The following MRM2 variants were observed in gnomAD, a reference collection of about 807,000 sequenced individuals.
The protein encoded by MRM2 is rRNA methyltransferase 2, mitochondrial.
In MRM2, 15 loss-of-function variants were observed where a neutral mutation model predicts 10.9. The ratio of observed to expected loss-of-function variants is 1.37; its 90% CI spans 0.92 to 2.11. The LOEUF (loss-of-function observed/expected upper bound fraction) is 2.11. MRM2 is among the 30% of genes most tolerant of loss of function. The probability of loss-of-function intolerance (pLI) is 0.00; values close to 1 mark genes in which losing one functional copy is unlikely to be tolerated. For synonymous variants in MRM2, 139 were observed against 128.7 expected, an observed-to-expected ratio of 1.08 and a Z score of -0.54; for missense variants, 328 against 321.3, an observed-to-expected ratio of 1.02 and a Z score of -0.16.
intron 1 of MRM2, chr7:2,241,839 C>T (rs910667677): frequency 5.4e-6 from 2 of 371,986 alleles, no homozygotes; most frequent in Admixed American, 9.7e-5. Flanking sequence ...AATGGAGCTA[C>T]CCGGCCCAGA....
intron 2 of MRM2, chr7:2,238,943 G>A (rs1172486597): frequency 6.6e-5 from 6 of 91,048 alleles, no homozygotes; most frequent in Admixed American, 1.8e-4. Flanking sequence ...TCCATCTGGA[G>A]GGGGGGGAAG....
Position 2,239,499 on chromosome 7 carries a change from C to A in MRM2, c.217G>T (p.Gly73Cys). 6.2e-7 allele frequency: 1 copy of A among 1,613,958 alleles called. No individual in the cohort carries two copies. ...GCCCCACAGTCTAACACCCGAAGGC[C>A]GGGCCGCAGAATCTGGTGCCTCTCG... ...VNERHQILRP[G>C]LRVLDCGAAP... Residue 73 changes from glycine (G) to cysteine (C), a missense_variant, in exon 2 of 3, where the codon GGC (glycine) becomes TGC (cysteine). Gly to Cys is a radical substitution (Grantham distance 159, BLOSUM62 -3). Coordinates refer to ENST00000242257, the MANE Select transcript of MRM2 (RefSeq NM_013393.3).
At chr7:2,241,925 GCCGCCGGCCCCGGCCTC>G in intron 1 of MRM2, 1 of 464,372 alleles carries the variant, frequency 2.2e-6, no homozygotes, top group Admixed American at 4.5e-5. Flanking sequence ...CCTGGACTCC[GCCGCCGGCCCCGGCCTC>G]CCCACGGCCC....
rs181877637 is a variant in MRM2, at chr7:2,238,136, A to C, written c.298+1282T>G. Reference sequence around the variant, plus strand: ...CCAATAAATGGGGACCAGTGTCCCTACTCTAAGGTATTTGGGAGAGACTTG... The same window carrying C: ...CCAATAAATGGGGACCAGTGTCCCTCCTCTAAGGTATTTGGGAGAGACTTG... On this transcript the variant is annotated intron_variant, in intron 2 of 2. Transcript: ENST00000242257. 226 of 152,210 alleles carry C rather than the reference A, an allele frequency of 1.5e-3. 3 individuals are homozygous for C. In the South Asian group the frequency reaches 0.017, roughly 11 times the overall value. The allele number at this position is 152,210 out of a possible 1,614,324, so 9.4% of individuals were successfully genotyped here. A position where few individuals can be genotyped will look rare whatever the true frequency, so the allele number is the denominator to read the frequency against.
intron 2 of MRM2, chr7:2,237,892 A>AAAAAAC (rs1794446996): frequency 2.2e-5 from 1 of 45,112 alleles, no homozygotes; most frequent in Non-Finnish European, 4.9e-5. Context: ...CTCTATAAAC[A>AAAAAAC]AAAAAAAAAA....
At chr7:2,241,843 G>A (rs953590601) in intron 1 of MRM2, 5 of 380,878 alleles carry the variant, frequency 1.3e-5, no homozygotes, top group Non-Finnish European at 2.3e-5. Context: ...GAGCTACCCG[G>A]CCCAGAAGCG....
At chr7:2,237,985 G>A (rs1388334421) in intron 2 of MRM2, 2 of 152,042 alleles carry the variant, frequency 1.3e-5, no homozygotes, top group Admixed American at 6.6e-5. Flanking sequence ...GGGGATGCAG[G>A]TAGACACCAA....
intron 2 of MRM2, among the ~76,000 whole-genome samples, chr7:2,237,523 AAC>A (rs1794438747): frequency 6.6e-6 from 1 of 152,224 alleles, no homozygotes; most frequent in Non-Finnish European, 1.5e-5. Context: ...GGGGAACAGA[AAC>A]CACTGAAATC....
chr7:2,241,294 A>C (rs1418460915), intron 1 of MRM2: 1 of 149,912 alleles, frequency 6.7e-6, no homozygotes, highest in Admixed American at 6.8e-5. Context: ...GAACCACCTC[A>C]CCCGGCCATT....
rs1292258064 is a variant in MRM2, at chr7:2,235,205, G to A, written c.658C>T (p.Pro220Ser). The stretch of plus-strand genomic sequence containing the variant: ...GATGACTCTTTCCTGCTGGCTTCAG[G>A]TTTGATGATCCTTACATTCTGGAAT... ...EEFQNVRIIKPEASRKESSEV... is the reference protein window; with the variant it reads ...EEFQNVRIIKSEASRKESSEV... Residue 220 changes from proline (P) to serine (S), a missense_variant, in exon 3 of 3, where the codon CCT (proline) becomes TCT (serine). Pro to Ser is a moderately conservative substitution (Grantham distance 74). Coordinates refer to ENST00000242257, the MANE Select transcript of MRM2 (RefSeq NM_013393.3). The A allele has an allele frequency of 3.7e-6, 6 of 1,614,074 alleles. No homozygotes were observed. In the East Asian group the frequency reaches 1.1e-4, roughly 30 times the overall value.
At chr7:2,241,118 C>A (rs1024694337) in intron 1 of MRM2, among the ~76,000 whole-genome samples, 2 of 152,208 alleles carry the variant, frequency 1.3e-5, no homozygotes, top group Non-Finnish European at 2.9e-5. Flanking sequence ...CCTCCCACCT[C>A]AGCCTCCTGA....
In MRM2 at chr7:2,235,112, C is replaced by A. The variant is rs778411934; in HGVS notation, c.*10G>T. On this transcript the variant is annotated 3_prime_UTR_variant, in exon 3 of 3. Transcript: ENST00000242257. ...GCTAATGACCATTATGAAAATGGCA[C>A]AAGAAATCCTCACTGCTTCACAGTG... 2 of 1,603,390 alleles carry A rather than the reference C, an allele frequency of 1.2e-6. No individual in the cohort carries two copies. Among genetic ancestry groups the A allele is most frequent in the South Asian group, 2.2e-5 (2 of 90,676 alleles).
chr7:2,240,147 A>G lies in MRM2; in HGVS notation c.9-440T>C, dbSNP rs377183256. ...TGAAGCAGGAGAATCGCCTGAACCC[A>G]GGAGGCAGAGGTTGCAGTGAGCCGA... On this transcript the variant is annotated intron_variant, in intron 1 of 2. Transcript: ENST00000242257. 2.9e-3 allele frequency: 1,063 copies of G among 362,626 alleles called. 22 individuals are homozygous for G. Among genetic ancestry groups the G allele is most frequent in the South Asian group, 0.022 (1,030 of 46,366 alleles). The allele number at this position is 362,626 out of a possible 1,614,324, so 22.5% of individuals were successfully genotyped here. A position where few individuals can be genotyped will look rare whatever the true frequency, so the allele number is the denominator to read the frequency against.
At position 2,234,884 on chromosome 7, in the gene MRM2, C is replaced by A. The variant is rs539611419; in HGVS notation, c.*238G>T. ...CATCCTCACCTCTTTCTCTTGATAA[C>A]TTTCTCTTCCCAAATCACAATATAG... On this transcript the variant is annotated 3_prime_UTR_variant, in exon 3 of 3. Transcript: ENST00000242257. The A allele has an allele frequency of 3.8e-6, 2 of 530,752 alleles. No homozygotes were observed. Among genetic ancestry groups the A allele is most frequent in the Non-Finnish European group, 6.7e-6 (2 of 299,120 alleles). The allele number at this position is 530,752 out of a possible 1,614,324, so 32.9% of individuals were successfully genotyped here.
In MRM2 at chr7:2,242,152, C is replaced by G. The variant is rs755188696; in HGVS notation, c.8+10G>C. The G allele has an allele frequency of 7.6e-6, 12 of 1,583,834 alleles. No homozygotes were observed. The highest frequency in any genetic ancestry group is 6.8e-5 in the African/African-American group (5 of 73,316). On this transcript the variant is annotated intron_variant, in intron 1 of 2. Transcript: ENST00000242257. ...GCTGTCTGCACGCGCAGCAGCAGCGCCCAGCTCACCCCGCCATTGGTGTTC... is the reference window on the plus strand; with the variant it reads ...GCTGTCTGCACGCGCAGCAGCAGCGGCCAGCTCACCCCGCCATTGGTGTTC...
chr7:2,235,908 ATC>A (rs1794412123), intron 2 of MRM2, among the ~76,000 whole-genome samples: 1 of 152,314 alleles, frequency 6.6e-6, no homozygotes, highest in African/African-American at 2.4e-5. Context: ...AAGGGTTCTT[ATC>A]TCTGAGTGCT....
At position 2,234,716 on chromosome 7, in the gene MRM2, G is replaced by T. The variant is rs1022926524; in HGVS notation, c.*406C>A. 14 of 205,294 alleles carry T rather than the reference G, an allele frequency of 6.8e-5. No individual in the cohort carries two copies. The highest frequency in any genetic ancestry group is 1.2e-4 in the Non-Finnish European group (12 of 100,440). The allele number at this position is 205,294 out of a possible 1,614,324, so 12.7% of individuals were successfully genotyped here. A position where few individuals can be genotyped will look rare whatever the true frequency, so the allele number is the denominator to read the frequency against. ...TGGAAATCTGTGCGTGGTGCTCTCA[G>T]AGCAGGGGTGGAAAGCCTGTTTGTG... On this transcript the variant is annotated 3_prime_UTR_variant, in exon 3 of 3. Transcript: ENST00000242257.
rs749074594 is a variant in MRM2, at chr7:2,242,161, C to A, written c.8+1G>T. On this transcript the variant is annotated splice_donor_variant, in intron 1 of 2. Transcript: ENST00000242257. LOFTEE classifies it high-confidence loss of function. Reference sequence around the variant, plus strand: ...ACGCGCAGCAGCAGCGCCCAGCTCACCCCGCCATTGGTGTTCCCCGCGCCT... The same window carrying A: ...ACGCGCAGCAGCAGCGCCCAGCTCAACCCGCCATTGGTGTTCCCCGCGCCT... 12 of 1,589,170 alleles carry A rather than the reference C, an allele frequency of 7.6e-6. No individual in the cohort carries two copies. In the South Asian group the frequency reaches 1.4e-4, roughly 18 times the overall value.
chr7:2,240,375 C>T, intron 1 of MRM2: 1 of 432,132 alleles, frequency 2.3e-6, no homozygotes, highest in South Asian at 1.6e-5. Flanking sequence ...ACAGCTAGTA[C>T]AGAGGGTCTG....
Sources: allele counts gnomAD v4.1 joint callset (sites outside exome capture counted in the v4.1 genomes callset), GRCh38; gene constraint gnomAD v4.1.1; transcripts MANE v1.5; gene names NCBI Gene and HGNC (gene_info 2026-07-23, HGNC 2026-07-21).